SYT2: variants seen among roughly 807,000 people sequenced by gnomAD.
SYT2 encodes synaptotagmin-2.
In SYT2, 15 loss-of-function variants were observed where a neutral mutation model predicts 39.9. The ratio of observed to expected loss-of-function variants is 0.38; its 90% CI spans 0.25 to 0.58. The LOEUF (loss-of-function observed/expected upper bound fraction) is 0.58, where lower values mean the gene tolerates loss of function less well. Among genes scored for constraint, SYT2 ranks in the 20% least tolerant of loss-of-function variants. The probability of loss-of-function intolerance (pLI) is 0.70; values close to 1 mark genes in which losing one functional copy is unlikely to be tolerated. For missense variants in SYT2, 389 were observed against 530.3 expected, an observed-to-expected ratio of 0.73 and a Z score of 2.62; for synonymous variants, 181 against 204.5, an observed-to-expected ratio of 0.89 and a Z score of 0.98.
At chr1:202,621,357 G>A (rs1478978967) in intron 1 of SYT2, among the ~76,000 whole-genome samples, 7 of 152,050 alleles carry the variant, frequency 4.6e-5, no homozygotes, top group South Asian at 4.2e-4. Context: ...ATACAGGGCC[G>A]TGATCATAGC....
At chr1:202,680,716 T>C (rs888549824) in intron 1 of SYT2, among the ~76,000 whole-genome samples, 3 of 152,162 alleles carry the variant, frequency 2.0e-5, no homozygotes, top group African/African-American at 7.2e-5. Flanking sequence ...CTTTTCTCCA[T>C]CTAAAAACAT....
chr1:202,626,901 G>A (rs1691432950), intron 1 of SYT2, among the ~76,000 whole-genome samples: 1 of 152,214 alleles, frequency 6.6e-6, no homozygotes, highest in Middle Eastern at 3.2e-3. Context: ...TCACAGGGAT[G>A]TTATGAGGAT....
intron 1 of SYT2, among the ~76,000 whole-genome samples, chr1:202,625,480 G>GGCAGGA (rs1488139577): frequency 1.4e-5 from 2 of 144,492 alleles, no homozygotes; most frequent in African/African-American, 5.1e-5. Context: ...AGGGGGCAGG[G>GGCAGGA]GCAGGAGCCC....
In SYT2 at chr1:202,603,025, G is replaced by A; in HGVS notation, c.439C>T (p.Leu147=). The change falls in exon 4 of 9, where the codon CTG becomes TTG. Residue 147 remains leucine (L), a synonymous_variant. Coordinates refer to ENST00000367268, the MANE Select transcript of SYT2 (RefSeq NM_177402.5). ...TGATTAGCCTGAAAATCATAGTCCA[G>A]GGAAAACTGCAGTTTGCCCAGGTTC... ...PENLGKLQFS[L]DYDFQANQLT... The A allele has an allele frequency of 6.2e-7, 1 of 1,613,608 alleles. No individual in the cohort carries two copies. The highest frequency in any genetic ancestry group is 1.1e-5 in the South Asian group (1 of 91,060).
intron 1 of SYT2, among the ~76,000 whole-genome samples, chr1:202,659,698 C>T (rs1692343660): frequency 6.6e-6 from 1 of 152,178 alleles, no homozygotes; most frequent in African/African-American, 2.4e-5. Context: ...TGCGAGAGCC[C>T]CATCTGCCCT....
At chr1:202,637,486 G>A (rs1019305235) in intron 1 of SYT2, among the ~76,000 whole-genome samples, 24 of 152,356 alleles carry the variant, frequency 1.6e-4, no homozygotes, top group African/African-American at 5.5e-4. Flanking sequence ...TCACCCAGGC[G>A]CCATGTGCTG....
In SYT2 at chr1:202,595,953, A is replaced by G. The variant is rs1484302182; in HGVS notation, c.*804T>C. The stretch of plus-strand genomic sequence containing the variant: ...TCCCAGGAACTACACTTCTGGGGAA[A>G]CCATGACTGGCAGGAGGAAGTATTT... On this transcript the variant is annotated 3_prime_UTR_variant, in exon 9 of 9. Transcript: ENST00000367268. 1 of 152,178 alleles carries G rather than the reference A, an allele frequency of 6.6e-6. No homozygotes were observed. Among genetic ancestry groups the G allele is most frequent in the Non-Finnish European group, 1.5e-5 (1 of 68,066 alleles). 9.4% of individuals were successfully genotyped at this position (152,178 alleles called of 1,614,324 possible).
intron 1 of SYT2, among the ~76,000 whole-genome samples, chr1:202,613,826 T>A (rs1414388807): frequency 6.6e-6 from 1 of 152,238 alleles, no homozygotes; most frequent in Non-Finnish European, 1.5e-5. Flanking sequence ...AGAGGCTGAA[T>A]GTAGTCCCAA....
chr1:202,709,287 A>G (rs1467192821), intron 1 of SYT2, among the ~76,000 whole-genome samples: 3 of 152,082 alleles, frequency 2.0e-5, no homozygotes, highest in African/African-American at 7.2e-5. Context: ...GTAAGGGAGG[A>G]CACTGCCCTG....
At chr1:202,619,462 A>T (rs1296556040) in intron 1 of SYT2, among the ~76,000 whole-genome samples, 1 of 152,176 alleles carries the variant, frequency 6.6e-6, no homozygotes, top group Non-Finnish European at 1.5e-5. Context: ...ACAAGGGAGA[A>T]GACACACAAG....
chr1:202,596,901 G>A lies in SYT2; in HGVS notation c.1116C>T (p.Gly372=). The A allele has an allele frequency of 6.2e-7, 1 of 1,614,224 alleles. No homozygotes were observed. Among genetic ancestry groups the A allele is most frequent in the Non-Finnish European group, 8.5e-7 (1 of 1,180,050 alleles). ...TGGCATTGCTGCCCACGAAGATCTTGCCTATGGCTTCGTTCTTGCCCAGCT... is the reference window on the plus strand; with the variant it reads ...TGGCATTGCTGCCCACGAAGATCTTACCTATGGCTTCGTTCTTGCCCAGCT... ...YDKLGKNEAI[G]KIFVGSNATG... The change falls in exon 9 of 9, where the codon GGC becomes GGT. Residue 372 remains glycine (G), a synonymous_variant. Transcript: ENST00000367268.
At chr1:202,694,833 T>C (rs1653934161) in intron 1 of SYT2, among the ~76,000 whole-genome samples, 1 of 152,060 alleles carries the variant, frequency 6.6e-6, no homozygotes, top group Non-Finnish European at 1.5e-5. Flanking sequence ...AATATATTTA[T>C]ATAAGTTGAC....
At position 202,639,125 on chromosome 1, in the gene SYT2, G is replaced by A. The variant is rs551784843; in HGVS notation, c.-17-33336C>T. On this transcript the variant is annotated intron_variant, in intron 1 of 8. Transcript: ENST00000367268. The stretch of plus-strand genomic sequence containing the variant: ...AGCGTGGCATAGCTGGCATAACTGA[G>A]AGAGCTCAGGCCTGGGAATTCAAGT... Among the ~76,000 whole-genome samples the A allele has an allele frequency of 1.3e-4, 20 of 152,306 alleles. 1 individual carries two copies. The South Asian group carries it at 4.1e-3, about 32-fold the overall frequency.
Position 202,687,996 on chromosome 1 carries a change from T to C in SYT2, c.-18+22262A>G, listed in dbSNP as rs1244571348. On this transcript the variant is annotated intron_variant, in intron 1 of 8. Transcript: ENST00000367268. ...AACGGGATGGAGGCGGTGCCCTGGA[T>C]GACAGCATGGGCCTGTGTCATGCTG... Among the ~76,000 whole-genome samples the C allele has an allele frequency of 4.6e-5, 7 of 152,290 alleles. No individual in the cohort carries two copies. The East Asian group carries it at 1.4e-3, about 29-fold the overall frequency.
intron 1 of SYT2, among the ~76,000 whole-genome samples, chr1:202,625,669 G>A (rs115813054): frequency 0.085 from 12,941 of 151,966 alleles, 883 homozygotes; most frequent in African/African-American, 0.18. Flanking sequence ...CCAGGCCCAC[G>A]CCCTCCGCAC....
At chr1:202,612,985 T>A (rs1690927201) in intron 1 of SYT2, among the ~76,000 whole-genome samples, 2 of 152,056 alleles carry the variant, frequency 1.3e-5, no homozygotes, top group South Asian at 4.2e-4. Context: ...TTTCAGATTG[T>A]TCGTTGCTAG....
rs5780118 is a variant in SYT2 at position 202,699,010 on chromosome 1, C to CT, written c.-18+11247dup. Among the ~76,000 whole-genome samples, 921 of 97,910 alleles carry CT rather than the reference C, an allele frequency of 9.4e-3. 26 individuals are homozygous for CT. The highest frequency in any genetic ancestry group is 0.037 in the East Asian group (110 of 2,942). The allele number at this position is 97,910 out of a possible 152,430, so 64.2% of individuals were successfully genotyped here. ...TGGATAGAACCAGTAACCAAACTGT[C>CT]TTTTTTTTTTTTTTTTTTTTTTTGA... is the stretch of plus-strand genomic sequence containing the variant. On this transcript the variant is annotated intron_variant, in intron 1 of 8. Coordinates refer to ENST00000367268, the MANE Select transcript of SYT2 (RefSeq NM_177402.5).
intron 1 of SYT2, among the ~76,000 whole-genome samples, chr1:202,695,227 A>T (rs1196273034): frequency 2.0e-5 from 3 of 152,166 alleles, no homozygotes; most frequent in Non-Finnish European, 4.4e-5. Context: ...CCCTGCTCAC[A>T]CACACAGGGA....
chr1:202,626,393 C>G (rs116103597), intron 1 of SYT2, among the ~76,000 whole-genome samples: 11,936 of 137,966 alleles, frequency 0.087, 898 homozygotes, highest in African/African-American at 0.19. Flanking sequence ...AAGACAGCCT[C>G]TCAGCTTTTT....
Sources: gnomAD v4.1 joint callset for allele counts (sites outside exome capture counted in the v4.1 genomes callset) on GRCh38, gnomAD v4.1.1 for gene constraint, MANE v1.5 for transcripts, NCBI Gene and HGNC (gene_info 2026-07-23, HGNC 2026-07-21) for gene names.